PTPRQ: variants seen among roughly 807,000 people sequenced by gnomAD.
PTPRQ encodes the protein phosphatidylinositol phosphatase PTPRQ.
A neutral mutation model predicts 246.0 loss-of-function variants in PTPRQ; 199 were observed. The ratio of observed to expected loss-of-function variants is 0.81; its 90% CI spans 0.72 to 0.91. The LOEUF (loss-of-function observed/expected upper bound fraction) is 0.91. Among genes scored for constraint, PTPRQ ranks in the 40% least tolerant of loss-of-function variants. The pLI, the probability that PTPRQ is intolerant of heterozygous loss-of-function variation, is 0.00. For missense variants in PTPRQ, 2,624 were observed against 2,528.4 expected (o/e 1.04, Z -0.81); for synonymous variants, 869 against 853.2 (o/e 1.02, Z -0.32).
chr12:80,498,036 T>A (rs1057475383), intron 14 of PTPRQ, among the ~76,000 whole-genome samples: 3 of 152,018 alleles, frequency 2.0e-5, no homozygotes, highest in African/African-American at 7.2e-5. Context: ...ATAATGGCAG[T>A]AGTTGAAAGT....
rs151129264 is a variant in PTPRQ, at chr12:80,629,900, C to T, written c.5687-2292C>T. On this transcript the variant is annotated intron_variant, in intron 33 of 44. Transcript: ENST00000644991. ...GGTGTCATGAACCCCCAAATACCTA[C>T]TAACTCAATTTAATAATAATTAACA... is the stretch of plus-strand genomic sequence containing the variant. 1.3e-3 allele frequency among the ~76,000 whole-genome samples: 198 copies of T among 152,230 alleles called. 1 individual carries two copies. Among genetic ancestry groups the T allele is most frequent in the African/African-American group, 4.5e-3 (189 of 41,546 alleles).
At position 80,444,378 on chromosome 12, in the gene PTPRQ, T is replaced by C; in HGVS notation, c.33T>C (p.Phe11=). The C allele has an allele frequency of 6.8e-7, 1 of 1,480,962 alleles. No individual in the cohort carries two copies. Among genetic ancestry groups the C allele is most frequent in the Non-Finnish European group, 9.2e-7 (1 of 1,085,514 alleles). 91.7% of individuals were successfully genotyped at this position (1,480,962 alleles called of 1,614,324 possible). ...TTCTTATCATTTTTCTTTTACTTTTTATTGGGACTTCAGAGACACAGGTAT... is the reference window on the plus strand; with the variant it reads ...TTCTTATCATTTTTCTTTTACTTTTCATTGGGACTTCAGAGACACAGGTAT... MDFLIIFLLL[F]IGTSETQVDV... is the part of the protein sequence containing the mutation. Residue 11 remains phenylalanine, a synonymous_variant, in exon 1 of 45, where the codon TTT becomes TTC. Coordinates refer to ENST00000644991, the MANE Select transcript of PTPRQ (RefSeq NM_001145026.2).
At chr12:80,645,043 A>T (rs919088511) in intron 35 of PTPRQ, among the ~76,000 whole-genome samples, 2 of 152,120 alleles carry the variant, frequency 1.3e-5, no homozygotes, top group African/African-American at 4.8e-5. Context: ...GGACTACTAG[A>T]AGCTTTCTTA....
chr12:80,612,571 T>C (rs2121106812), intron 28 of PTPRQ, among the ~76,000 whole-genome samples: 1 of 150,572 alleles, frequency 6.6e-6, no homozygotes, highest in South Asian at 2.1e-4. Context: ...GGACCTCTCA[T>C]ACATTGCTAG....
rs994932624 is a variant in PTPRQ at position 80,484,490 on chromosome 12, T to A, written c.1244T>A (p.Ile415Asn). The change falls in exon 9 of 45, where the codon ATT (isoleucine) becomes AAT (asparagine). Residue 415 changes from isoleucine to asparagine, a missense_variant. By Grantham distance (149) the Ile-to-Asn change is moderately radical. Transcript: ENST00000644991. ...LAEVESTQVR[I>N]TWKKPRQPNG... The stretch of plus-strand genomic sequence containing the variant: ...GAGGTAGAATCCACGCAAGTAAGAA[T>A]TACTTGGAAGAAACCACGACAACCA... 6.4e-7 allele frequency: 1 copy of A among 1,551,276 alleles called. No homozygotes were observed. Among genetic ancestry groups the A allele is most frequent in the South Asian group, 1.2e-5 (1 of 84,022 alleles).
intron 6 of PTPRQ, among the ~76,000 whole-genome samples, chr12:80,464,109 G>T (rs1242202999): frequency 1.3e-5 from 2 of 151,812 alleles, no homozygotes; most frequent in African/African-American, 4.8e-5. Flanking sequence ...TCAGTGTGTT[G>T]TATTCAGGAA....
chr12:80,640,494 C>T (rs1385980996), intron 35 of PTPRQ, among the ~76,000 whole-genome samples: 1 of 152,142 alleles, frequency 6.6e-6, no homozygotes, highest in African/African-American at 2.4e-5. Flanking sequence ...ATTGGAGATA[C>T]TTAATGCTCA....
chr12:80,498,998 A>G (rs1463269412), intron 14 of PTPRQ, among the ~76,000 whole-genome samples: 1 of 152,032 alleles, frequency 6.6e-6, no homozygotes, highest in Non-Finnish European at 1.5e-5. Context: ...TTTAGTTTAA[A>G]ATGAGAATTT....
chr12:80,491,045 A>C (rs1592576271), intron 9 of PTPRQ, among the ~76,000 whole-genome samples: 1 of 152,044 alleles, frequency 6.6e-6, no homozygotes, highest in South Asian at 2.1e-4. Flanking sequence ...TTCTAATGTC[A>C]GAATATCAGA....
At chr12:80,445,959 TG>T (rs2120386110) in intron 3 of PTPRQ, among the ~76,000 whole-genome samples, 1 of 152,010 alleles carries the variant, frequency 6.6e-6, no homozygotes, top group East Asian at 1.9e-4. Context: ...TGAATATTTT[TG>T]CATATATTTA....
intron 43 of PTPRQ, among the ~76,000 whole-genome samples, chr12:80,677,320 A>G (rs1200239644): frequency 6.6e-6 from 1 of 152,236 alleles, no homozygotes; most frequent in Non-Finnish European, 1.5e-5. Context: ...GAAGTAACTT[A>G]CTAGCAATTT....
At chr12:80,655,054 G>A (rs1900387944) in intron 38 of PTPRQ, among the ~76,000 whole-genome samples, 1 of 152,018 alleles carries the variant, frequency 6.6e-6, no homozygotes, top group African/African-American at 2.4e-5. Flanking sequence ...TTCCCTTTAA[G>A]ACTGTAAGAA....
intron 23 of PTPRQ, 70 bp downstream of exon 23, chr12:80,542,951 A>G: frequency 2.7e-6 from 3 of 1,111,844 alleles, no homozygotes; most frequent in Non-Finnish European, 3.6e-6. Context: ...TTTGACATAT[A>G]GGAGGAAAAT....
At chr12:80,476,457 A>C (rs899860737) in intron 8 of PTPRQ, among the ~76,000 whole-genome samples, 20 of 152,268 alleles carry the variant, frequency 1.3e-4, no homozygotes, top group Non-Finnish European at 2.4e-4. Context: ...GTGTTGAATG[A>C]TGAATGAATG....
At chr12:80,477,226 AAATC>A (rs1893839032) in intron 8 of PTPRQ, among the ~76,000 whole-genome samples, 1 of 152,298 alleles carries the variant, frequency 6.6e-6, no homozygotes, top group East Asian at 1.9e-4. Context: ...TATCAGAAAA[AAATC>A]AATCAACTCT....
At position 80,526,865 on chromosome 12, in the gene PTPRQ, A is replaced by G. The variant is rs551931059; in HGVS notation, c.2679-7150A>G. ...TTAATGTGGTGATCAGATATTTGAA[A>G]CTATTGAAGAAAAAATGAAAGAAAA... On this transcript the variant is annotated intron_variant, in intron 17 of 44. Transcript: ENST00000644991. Among the ~76,000 whole-genome samples the G allele has an allele frequency of 1.7e-3, 252 of 152,212 alleles. 1 individual carries two copies. Among genetic ancestry groups the G allele is most frequent in the African/African-American group, 5.8e-3 (239 of 41,552 alleles).
At chr12:80,573,167 T>C (rs1172339484) in intron 25 of PTPRQ, among the ~76,000 whole-genome samples, 1 of 152,172 alleles carries the variant, frequency 6.6e-6, no homozygotes, top group Non-Finnish European at 1.5e-5. Flanking sequence ...TTAATAAATA[T>C]AGAACTACTC....
At chr12:80,552,543 G>A (rs1054296223) in intron 25 of PTPRQ, among the ~76,000 whole-genome samples, 47 of 149,762 alleles carry the variant, frequency 3.1e-4, no homozygotes, top group Non-Finnish European at 8.9e-5. Context: ...GAATGAAGCA[G>A]AAATTCAGTT....
In PTPRQ at chr12:80,539,895, A is replaced by T. The variant is rs1482856412; in HGVS notation, c.3105A>T (p.Gly1035=). 1.9e-6 allele frequency: 3 copies of T among 1,548,938 alleles called. No homozygotes were observed. The highest frequency in any genetic ancestry group is 2.6e-6 in the Non-Finnish European group (3 of 1,145,630). ...GGTTAACAGCAAGTACTTCAGTTGGAAATGGGAATAAAAGCAGTGACATCA... is the reference window on the plus strand; with the variant it reads ...GGTTAACAGCAAGTACTTCAGTTGGTAATGGGAATAAAAGCAGTGACATCA... The part of the protein sequence containing the change: ...TFWLTASTSV[G]NGNKSSDIIE... Residue 1035 remains glycine, a synonymous_variant, in exon 20 of 45, where the codon GGA becomes GGT. Transcript: ENST00000644991.
Sources: gnomAD v4.1 joint callset for allele counts (sites outside exome capture counted in the v4.1 genomes callset) on GRCh38, gnomAD v4.1.1 for gene constraint, MANE v1.5 for transcripts, NCBI Gene and HGNC (gene_info 2026-07-23, HGNC 2026-07-21) for gene names.